Variants in RGS5 observed in about 807,000 individuals in gnomAD.
RGS5 encodes regulator of G protein signaling 5.
In RGS5, 20 loss-of-function variants were observed where a neutral mutation model predicts 18.9. That is an observed-to-expected ratio of 1.06 (90% confidence interval 0.74 to 1.54). The LOEUF (loss-of-function observed/expected upper bound fraction) is 1.54, where lower values mean the gene tolerates loss of function less well. Among genes scored for constraint, RGS5 ranks in the 40% most tolerant of loss-of-function variants. The probability of loss-of-function intolerance (pLI) is 0.00; values close to 1 mark genes in which losing one functional copy is unlikely to be tolerated. For synonymous variants in RGS5, 57 were observed against 76.2 expected, an observed-to-expected ratio of 0.75 and a Z score of 1.31; for missense variants, 201 against 211.8, an observed-to-expected ratio of 0.95 and a Z score of 0.32.
chr1:163,218,333 G>T (rs1292396761), upstream of RGS5, among the ~76,000 whole-genome samples: 1 of 152,090 alleles, frequency 6.6e-6, no homozygotes, highest in Non-Finnish European at 1.5e-5. Context: ...TTTGTAATTT[G>T]TCACCAATAG....
intron 2 of RGS5, among the ~76,000 whole-genome samples, chr1:163,229,071 C>A (rs1647404918): frequency 6.6e-6 from 1 of 152,174 alleles, no homozygotes; most frequent in African/African-American, 2.4e-5. Flanking sequence ...AAGTCATTTC[C>A]AAATTTTTTA....
intron 1 of RGS5, among the ~76,000 whole-genome samples, chr1:163,318,257 T>C (rs1366865074): frequency 6.6e-6 from 1 of 152,076 alleles, no homozygotes; most frequent in East Asian, 1.9e-4. Flanking sequence ...AGTGGCAAGA[T>C]AATGAAGACC....
chr1:163,195,990 C>T (rs1228359268), intron 1 of RGS5, among the ~76,000 whole-genome samples: 1 of 152,170 alleles, frequency 6.6e-6, no homozygotes, highest in Non-Finnish European at 1.5e-5. Context: ...CCCCGCCACA[C>T]TGCAATTCAA....
At chr1:163,249,149 G>C (rs781187725) in intron 2 of RGS5, among the ~76,000 whole-genome samples, 2 of 152,196 alleles carry the variant, frequency 1.3e-5, no homozygotes, top group Non-Finnish European at 2.9e-5. Flanking sequence ...TCTGCTCCCT[G>C]AGCTGGAATA....
At chr1:163,255,529 G>C (rs1648248427) in intron 2 of RGS5, among the ~76,000 whole-genome samples, 2 of 151,628 alleles carry the variant, frequency 1.3e-5, no homozygotes, top group African/African-American at 4.8e-5. Flanking sequence ...TTCTACCAGA[G>C]GTACAAGGAG....
chr1:163,161,667 G>T, intron 3 of RGS5: 1 of 404,782 alleles, frequency 2.5e-6, no homozygotes, highest in Non-Finnish European at 4.6e-6. Flanking sequence ...CAGGACAGAT[G>T]GGAACACAAC....
chr1:163,235,392 C>A (rs963880462), intron 2 of RGS5, among the ~76,000 whole-genome samples: 5 of 152,150 alleles, frequency 3.3e-5, no homozygotes, highest in Non-Finnish European at 7.4e-5. Context: ...TGCAAACACT[C>A]CTATTCAAAA....
intron 2 of RGS5, among the ~76,000 whole-genome samples, chr1:163,276,471 G>A (rs907249498): frequency 5.3e-5 from 8 of 152,208 alleles, no homozygotes; most frequent in Admixed American, 1.3e-4. Flanking sequence ...CGATGCTTAC[G>A]TTCGTATATC....
chr1:163,282,516 A>C (rs1369655972), intron 2 of RGS5, among the ~76,000 whole-genome samples: 1 of 152,034 alleles, frequency 6.6e-6, no homozygotes, highest in Non-Finnish European at 1.5e-5. Flanking sequence ...CAAAACAAGC[A>C]TAGGCTAAGT....
At chr1:163,164,213 C>T (rs1242961927) in intron 2 of RGS5, among the ~76,000 whole-genome samples, 1 of 152,124 alleles carries the variant, frequency 6.6e-6, no homozygotes, top group Non-Finnish European at 1.5e-5. Context: ...TGCCAGTCCT[C>T]ATTAGGTCTG....
chr1:163,300,747 A>G (rs1649531950), intron 2 of RGS5: 1 of 152,220 alleles, frequency 6.6e-6, no homozygotes, highest in Non-Finnish European at 1.5e-5. Context: ...ATAAAAACAA[A>G]GAAAGAAGCA....
intron 2 of RGS5, among the ~76,000 whole-genome samples, chr1:163,303,211 C>G (rs1003468240): frequency 2.6e-5 from 4 of 152,110 alleles, no homozygotes; most frequent in Admixed American, 2.6e-4. Context: ...ATGTAAAATT[C>G]AAATTTAACT....
At chr1:163,277,910 C>T (rs973311843) in intron 2 of RGS5, among the ~76,000 whole-genome samples, 9 of 151,918 alleles carry the variant, frequency 5.9e-5, no homozygotes, top group African/African-American at 2.2e-4. Context: ...CAACAATAGA[C>T]TAGATCAAGC....
At chr1:163,202,010 C>T (rs1431103598) in intron 1 of RGS5, among the ~76,000 whole-genome samples, 1 of 152,130 alleles carries the variant, frequency 6.6e-6, no homozygotes, top group African/African-American at 2.4e-5. Flanking sequence ...AGCCTAGATA[C>T]CTAGGATTCT....
At chr1:163,197,073 T>G (rs974722479) in intron 1 of RGS5, among the ~76,000 whole-genome samples, 2 of 152,142 alleles carry the variant, frequency 1.3e-5, no homozygotes, top group African/African-American at 4.8e-5. Context: ...TCCTCAGAGT[T>G]GGGAACAGAT....
At chr1:163,312,788 A>C (rs1348040941) in intron 1 of RGS5, among the ~76,000 whole-genome samples, 1 of 152,226 alleles carries the variant, frequency 6.6e-6, no homozygotes, top group Non-Finnish European at 1.5e-5. Context: ...TGTACTGGTA[A>C]GTAATCTGTC....
At chr1:163,254,997 AT>A (rs1469078067) in intron 2 of RGS5, among the ~76,000 whole-genome samples, 1 of 152,022 alleles carries the variant, frequency 6.6e-6, no homozygotes, top group African/African-American at 2.4e-5. Flanking sequence ...GTTCTGTTCC[AT>A]TGATCTATAT....
chr1:163,165,865 C>T (rs981274582), intron 2 of RGS5, among the ~76,000 whole-genome samples: 1 of 151,348 alleles, frequency 6.6e-6, no homozygotes, highest in African/African-American at 2.4e-5. Context: ...GAGATCATGC[C>T]ATTGCACTCC....
chr1:163,238,690 A>G, intron 2 of RGS5: 1 of 278,650 alleles, frequency 3.6e-6, no homozygotes, highest in Non-Finnish European at 7.0e-6. Context: ...TAACCATGTA[A>G]ATCATTTGAT....
Sources: gnomAD v4.1 joint callset for allele counts (sites outside exome capture counted in the v4.1 genomes callset) on GRCh38, gnomAD v4.1.1 for gene constraint, MANE v1.5 for transcripts, NCBI Gene and HGNC (gene_info 2026-07-23, HGNC 2026-07-21) for gene names.